Variants in CSMD1 observed in about 807,000 individuals in gnomAD.
The protein encoded by CSMD1 is CUB and sushi domain-containing protein 1.
CSMD1 carries 213 observed loss-of-function variants against 417.5 expected under a neutral mutation model. The observed-to-expected ratio is 0.51, with a 90% CI of 0.46 to 0.57. The LOEUF (loss-of-function observed/expected upper bound fraction) is 0.57, where lower values mean the gene tolerates loss of function less well. Among genes scored for constraint, CSMD1 ranks in the 20% least tolerant of loss-of-function variants. The probability of loss-of-function intolerance (pLI) is 0.00; values close to 1 mark genes in which losing one functional copy is unlikely to be tolerated. For synonymous variants in CSMD1, 2,862 were observed against 1,736.8 expected (o/e 1.65, Z -16.11); for missense variants, 6,923 against 4,529.7 (o/e 1.53, Z -15.17).
chr8:3,894,286 A>T (rs1322814946), intron 5 of CSMD1, among the ~76,000 whole-genome samples: 1 of 152,090 alleles, frequency 6.6e-6, no homozygotes, highest in Non-Finnish European at 1.5e-5. Context: ...CTTCCTGTGC[A>T]CCTGTCTCGC....
chr8:4,233,158 A>C (rs374223743), intron 3 of CSMD1, among the ~76,000 whole-genome samples: 45 of 152,344 alleles, frequency 3.0e-4, no homozygotes, highest in Admixed American at 8.5e-4. Context: ...AATGACATGC[A>C]TTTTAATAGA....
intron 3 of CSMD1, among the ~76,000 whole-genome samples, chr8:4,053,547 C>T (rs1798542175): frequency 6.6e-6 from 1 of 152,246 alleles, no homozygotes; most frequent in African/African-American, 2.4e-5. Context: ...AAGTGGTTTT[C>T]TCTGACCTTG....
chr8:4,060,170 T>G (rs1405532725), intron 3 of CSMD1, among the ~76,000 whole-genome samples: 1 of 152,146 alleles, frequency 6.6e-6, no homozygotes, highest in Non-Finnish European at 1.5e-5. Flanking sequence ...ATCCAGCATA[T>G]AAACAGAACC....
intron 9 of CSMD1, among the ~76,000 whole-genome samples, chr8:3,575,597 T>G (rs1339481073): frequency 6.6e-6 from 1 of 152,208 alleles, no homozygotes; most frequent in African/African-American, 2.4e-5. Context: ...ATCTCCAAAG[T>G]CACTTTCGAG....
intron 41 of CSMD1, among the ~76,000 whole-genome samples, chr8:3,137,910 G>C (rs1222648573): frequency 6.6e-6 from 1 of 152,146 alleles, no homozygotes; most frequent in Non-Finnish European, 1.5e-5. Context: ...TGTCAGTCTA[G>C]GTTCATTTAT....
chr8:4,702,735 T>C (rs1352091506), intron 1 of CSMD1, among the ~76,000 whole-genome samples: 1 of 152,152 alleles, frequency 6.6e-6, no homozygotes, highest in African/African-American at 2.4e-5. Flanking sequence ...GAGTTTCTTG[T>C]CTATTCTGTG....
chr8:4,617,371 C>G (rs139353849), intron 2 of CSMD1, among the ~76,000 whole-genome samples: 3 of 152,142 alleles, frequency 2.0e-5, no homozygotes. Flanking sequence ...TGATTACAAC[C>G]TCATCTAACA....
In CSMD1 at chr8:4,994,669, G is replaced by C. The variant is rs995047894; in HGVS notation, c.-253C>G. The C allele has an allele frequency of 7.1e-6, 3 of 422,540 alleles. No homozygotes were observed. In the Admixed American group the frequency reaches 1.3e-4, roughly 18 times the overall value. The allele number at this position is 422,540 out of a possible 1,614,324, so 26.2% of individuals were successfully genotyped here. ...GACCCGGGCTGGCGGGGCCGGGGCCGGGGACGAGCGCCGGCCGAGCCGGGC... is the reference window on the plus strand; with the variant it reads ...GACCCGGGCTGGCGGGGCCGGGGCCCGGGACGAGCGCCGGCCGAGCCGGGC... On this transcript the variant is annotated 5_prime_UTR_variant, in exon 1 of 70. Transcript: ENST00000635120.
At chr8:3,635,372 G>A (rs1462279501) in intron 7 of CSMD1, among the ~76,000 whole-genome samples, 1 of 152,094 alleles carries the variant, frequency 6.6e-6, no homozygotes, top group Non-Finnish European at 1.5e-5. Flanking sequence ...TACTCGGGAG[G>A]CTGAGGCAGG....
chr8:4,388,590 A>G (rs114067959), intron 3 of CSMD1, among the ~76,000 whole-genome samples: 2,560 of 152,184 alleles, frequency 0.017, 73 homozygotes, highest in African/African-American at 0.056. Context: ...GACTGCAAAT[A>G]GGGTACAGTG....
chr8:4,146,594 ATTT>A (rs71205423), intron 3 of CSMD1, among the ~76,000 whole-genome samples: 14 of 64,248 alleles, frequency 2.2e-4, no homozygotes, highest in Admixed American at 4.5e-4. Flanking sequence ...ATATGGACAC[ATTT>A]TTTTTTTTTT....
chr8:4,344,149 A>T (rs1426720029), intron 3 of CSMD1, among the ~76,000 whole-genome samples: 1 of 152,120 alleles, frequency 6.6e-6, no homozygotes, highest in Admixed American at 6.6e-5. Context: ...CAACTGAGAA[A>T]TGCCTTGTTA....
At chr8:4,338,128 T>C (rs993306425) in intron 3 of CSMD1, among the ~76,000 whole-genome samples, 1 of 152,146 alleles carries the variant, frequency 6.6e-6, no homozygotes, top group Non-Finnish European at 1.5e-5. Flanking sequence ...TGAGAATTAC[T>C]ATGATTTTTA....
intron 7 of CSMD1, among the ~76,000 whole-genome samples, chr8:3,650,596 G>A (rs17397421): frequency 0.049 from 7,428 of 152,190 alleles, 243 homozygotes; most frequent in Middle Eastern, 0.088. Flanking sequence ...GAGTACATAT[G>A]ATGCTTGCCA....
At chr8:3,720,814 C>A (rs761144004) in intron 6 of CSMD1, among the ~76,000 whole-genome samples, 4 of 150,940 alleles carry the variant, frequency 2.7e-5, no homozygotes, top group South Asian at 4.2e-4. Flanking sequence ...GAACATCTAA[C>A]GTTTGAGACT....
intron 7 of CSMD1, among the ~76,000 whole-genome samples, chr8:3,625,467 T>C (rs764532299): frequency 1.3e-5 from 2 of 152,150 alleles, no homozygotes; most frequent in South Asian, 2.1e-4. Context: ...GTGCTGACTT[T>C]TAAAACACAA....
intron 1 of CSMD1, among the ~76,000 whole-genome samples, chr8:4,681,514 G>C (rs1260984525): frequency 6.6e-6 from 1 of 152,152 alleles, no homozygotes; most frequent in Non-Finnish European, 1.5e-5. Context: ...TGTTAGGTAA[G>C]CCAAGATCTT....
chr8:4,262,250 ATG>A (rs1563354451), intron 3 of CSMD1, among the ~76,000 whole-genome samples: 6 of 152,140 alleles, frequency 3.9e-5, no homozygotes, highest in Admixed American at 3.3e-4. Flanking sequence ...ACTCCGGGGC[ATG>A]GTGGAGGATG....
rs570252654 is a variant in CSMD1 at position 4,452,366 on chromosome 8, C to A, written c.303-32301G>T. ...ACAAATTCCACTGGGGTGACAAGTACAATACAAAGGCGTAGCCTCGAGGGC... is the reference window on the plus strand; with the variant it reads ...ACAAATTCCACTGGGGTGACAAGTAAAATACAAAGGCGTAGCCTCGAGGGC... On this transcript the variant is annotated intron_variant, in intron 2 of 69. Transcript: ENST00000635120. Among the ~76,000 whole-genome samples, 86 of 152,238 alleles carry A rather than the reference C, an allele frequency of 5.6e-4. 1 individual carries two copies. The highest frequency in any genetic ancestry group is 1.9e-3 in the African/African-American group (80 of 41,534).
Sources: allele counts gnomAD v4.1 joint callset (sites outside exome capture counted in the v4.1 genomes callset), GRCh38; gene constraint gnomAD v4.1.1; transcripts MANE v1.5; gene names NCBI Gene and HGNC (gene_info 2026-07-23, HGNC 2026-07-21).